Variants in PCDHA2 observed in about 807,000 individuals in gnomAD.
The protein encoded by PCDHA2 is protocadherin alpha-2.
In PCDHA2, 58 loss-of-function variants were observed where a neutral mutation model predicts 66.0. The ratio of observed to expected loss-of-function variants is 0.88; its 90% CI spans 0.71 to 1.09. PCDHA2 has a LOEUF of 1.09. Ranked by LOEUF, PCDHA2 falls within the 50% of genes least tolerant of loss-of-function variation. The pLI is 0.00. For synonymous variants in PCDHA2, 634 were observed against 554.0 expected (o/e 1.14, Z -2.03); for missense variants, 1,267 against 1,242.3 (o/e 1.02, Z -0.30).
chr5:141,001,811 C>A (rs1200900455), intron 3 of PCDHA2, among the ~76,000 whole-genome samples: 1 of 152,128 alleles, frequency 6.6e-6, no homozygotes, highest in Non-Finnish European at 1.5e-5. Flanking sequence ...ATTCTACAAT[C>A]GGCCAAATTC....
intron 1 of PCDHA2, among the ~76,000 whole-genome samples, chr5:140,970,414 A>G (rs2096403953): frequency 6.6e-6 from 1 of 152,224 alleles, no homozygotes; most frequent in South Asian, 2.1e-4. Context: ...CCCTACAGTA[A>G]GGTGTAGAGG....
chr5:140,977,844 G>A (rs2096777589), intron 1 of PCDHA2, among the ~76,000 whole-genome samples: 1 of 152,136 alleles, frequency 6.6e-6, no homozygotes, highest in Admixed American at 6.5e-5. Context: ...TATTACTATG[G>A]CTTTGTTTCT....
At chr5:140,935,374 T>A (rs2090335210) in intron 1 of PCDHA2, among the ~76,000 whole-genome samples, 1 of 152,248 alleles carries the variant, frequency 6.6e-6, no homozygotes. Flanking sequence ...GTCAACAGAA[T>A]TACTCATTTG....
At chr5:140,803,242 C>A (rs1763153427) in intron 1 of PCDHA2, 2 of 1,613,806 alleles carry the variant, frequency 1.2e-6, no homozygotes, top group Non-Finnish European at 1.7e-6. Context: ...TCGTCCCAGG[C>A]GTCCGCTGGC....
chr5:140,880,790 T>C (rs2058480985), intron 1 of PCDHA2, among the ~76,000 whole-genome samples: 1 of 152,190 alleles, frequency 6.6e-6, no homozygotes, highest in African/African-American at 2.4e-5. Flanking sequence ...AGAGGAGTAA[T>C]ATAAATAGGT....
chr5:140,843,046 C>T lies in PCDHA2; in HGVS notation c.2388+45694C>T, dbSNP rs2150350953. ...AGCCTCGGGTGGGTGGCACTGGTGGCGCAGCGAGCAAGCTGGTGCCGCGGT... is the reference window on the plus strand; with the variant it reads ...AGCCTCGGGTGGGTGGCACTGGTGGTGCAGCGAGCAAGCTGGTGCCGCGGT... On this transcript the variant is annotated intron_variant, in intron 1 of 3. Transcript: ENST00000526136. The T allele has an allele frequency of 2.5e-6, 4 of 1,594,998 alleles. 1 individual carries two copies. The highest frequency in any genetic ancestry group is 1.7e-5 in the Admixed American group (1 of 59,286).
chr5:140,835,407 G>A (rs2150234983), intron 1 of PCDHA2: 1 of 1,613,974 alleles, frequency 6.2e-7, no homozygotes, highest in Non-Finnish European at 8.5e-7. Flanking sequence ...GGAAGTTGTG[G>A]ATGTAAATGA....
At chr5:140,969,501 A>G (rs2096338220) in intron 1 of PCDHA2, 20 of 1,431,968 alleles carry the variant, frequency 1.4e-5, no homozygotes, top group Non-Finnish European at 1.9e-5. Context: ...CTCTCTAGAA[A>G]AATAGCACTA....
At chr5:140,894,043 C>G (rs1562874850) in intron 1 of PCDHA2, among the ~76,000 whole-genome samples, 1 of 152,050 alleles carries the variant, frequency 6.6e-6, no homozygotes, top group Non-Finnish European at 1.5e-5. Flanking sequence ...AATGTAAGTC[C>G]TCTGTTGAAT....
chr5:140,871,284 T>C (rs2052909297), intron 1 of PCDHA2: 1 of 1,613,778 alleles, frequency 6.2e-7, no homozygotes, highest in African/African-American at 1.3e-5. Flanking sequence ...CAACGCCCAC[T>C]GAGGGCGCGT....
intron 1 of PCDHA2, chr5:140,856,834 G>T (rs2044233104): frequency 6.3e-7 from 1 of 1,591,808 alleles, no homozygotes; most frequent in Non-Finnish European, 8.6e-7. Context: ...TAGTAATACG[G>T]CTCAACGCTT....
intron 1 of PCDHA2, chr5:140,822,731 T>C: frequency 1.2e-6 from 2 of 1,613,236 alleles, no homozygotes; most frequent in Non-Finnish European, 1.7e-6. Context: ...GAAATTAATA[T>C]TGATGCCATG....
In PCDHA2 at chr5:140,934,078, G is replaced by A. The variant is rs13188437; in HGVS notation, c.2389-44871G>A. On this transcript the variant is annotated intron_variant, in intron 1 of 3. Transcript: ENST00000526136. ...GGCTAACTTTTGGTGTTTTGGGTTC[G>A]CTTTGTTGTATGTTTGCTTTCTATT... is the stretch of plus-strand genomic sequence containing the variant. 1.4e-3 allele frequency among the ~76,000 whole-genome samples: 217 copies of A among 151,620 alleles called. 1 individual carries two copies. Among genetic ancestry groups the A allele is most frequent in the African/African-American group, 4.8e-3 (200 of 41,380 alleles).
chr5:140,850,888 A>T, intron 1 of PCDHA2: 1 of 1,581,398 alleles, frequency 6.3e-7, no homozygotes, highest in Non-Finnish European at 8.6e-7. Context: ...TCAACTGGGA[A>T]GGTGGGTTTT....
rs113613111 is a variant in PCDHA2, at chr5:140,862,633, G to A, written c.2388+65281G>A. The A allele has an allele frequency of 2.9e-3, 1,533 of 537,306 alleles. 20 individuals are homozygous for A. The highest frequency in any genetic ancestry group is 0.024 in the African/African-American group (1,268 of 52,230). 33.3% of individuals were successfully genotyped at this position (537,306 alleles called of 1,614,324 possible). Reference sequence around the variant, plus strand: ...AGGTAACAACCCGCGGGGCTGCCACGACTTCACAGTGTCCGCGCGGGACCG... The same window carrying A: ...AGGTAACAACCCGCGGGGCTGCCACAACTTCACAGTGTCCGCGCGGGACCG... On this transcript the variant is annotated intron_variant, in intron 1 of 3. Transcript: ENST00000526136.
intron 1 of PCDHA2, chr5:140,884,510 T>C: frequency 3.1e-6 from 5 of 1,613,982 alleles, no homozygotes; most frequent in Non-Finnish European, 3.4e-6. Context: ...GGCAGGGAGT[T>C]GGTCGTACTC....
chr5:140,829,347 C>G (rs1475492730), intron 1 of PCDHA2: 2 of 1,614,232 alleles, frequency 1.2e-6, no homozygotes, highest in Non-Finnish European at 1.7e-6. Flanking sequence ...GAGAGCGTGT[C>G]GGCCTATGAG....
intron 1 of PCDHA2, chr5:140,870,883 C>T: frequency 1.9e-6 from 3 of 1,613,920 alleles, no homozygotes; most frequent in Middle Eastern, 1.6e-4. Flanking sequence ...GGCGAAGGTG[C>T]GCGCAGTGGA....
intron 1 of PCDHA2, chr5:140,870,788 C>A (rs782319322): frequency 3.7e-6 from 6 of 1,613,636 alleles, no homozygotes; most frequent in Non-Finnish European, 5.1e-6. Context: ...GACAACGCGC[C>A]GGCACTGCTG....
Sources: gnomAD v4.1 joint callset for allele counts (sites outside exome capture counted in the v4.1 genomes callset) on GRCh38, gnomAD v4.1.1 for gene constraint, MANE v1.5 for transcripts, NCBI Gene and HGNC (gene_info 2026-07-23, HGNC 2026-07-21) for gene names.